The following GNGT1 variants were observed in gnomAD, a reference collection of about 807,000 sequenced individuals.
GNGT1 encodes the protein G protein subunit gamma transducin 1, also known as guanine nucleotide-binding protein G(T) subunit gamma-T1.
GNGT1 carries 4 observed loss-of-function variants against 7.4 expected under a neutral mutation model. The observed-to-expected ratio is 0.54, with a 90% CI of 0.27 to 1.24. The LOEUF (loss-of-function observed/expected upper bound fraction) is 1.24, where lower values mean the gene tolerates loss of function less well. Among genes scored for constraint, GNGT1 ranks in the 50% most tolerant of loss-of-function variants. The pLI, the probability that GNGT1 is intolerant of heterozygous loss-of-function variation, is 0.12. For missense variants in GNGT1, 95 were observed against 82.4 expected, an observed-to-expected ratio of 1.15 and a Z score of -0.59; for synonymous variants, 37 against 30.2, an observed-to-expected ratio of 1.23 and a Z score of -0.74.
rs562111883 is a variant in GNGT1 at position 93,910,755 on chromosome 7, A to G, written c.97-35A>G. The G allele has an allele frequency of 6.5e-6, 10 of 1,527,456 alleles. 1 individual carries two copies. The South Asian group carries it at 1.2e-4, about 19-fold the overall frequency. The allele number at this position is 1,527,456 out of a possible 1,614,324, so 94.6% of individuals were successfully genotyped here. A position where few individuals can be genotyped will look rare whatever the true frequency, so the allele number is the denominator to read the frequency against. On this transcript the variant is annotated intron_variant, in intron 2 of 2. Coordinates refer to ENST00000248572, the MANE Select transcript of GNGT1 (RefSeq NM_021955.5). ...TGGCATCTGGAGTATTCTGTTTTAA[A>G]CCAAATGAGTCATCCCTTTTTCCTT... is the stretch of plus-strand genomic sequence containing the variant.
At chr7:93,910,651 T>A in intron 2 of GNGT1, 139 bp from the exon 3 acceptor site, 1 of 503,380 alleles carries the variant, frequency 2.0e-6, no homozygotes, top group Non-Finnish European at 3.5e-6. Context: ...TCCTACAAAG[T>A]AAATATGCAT....
At chr7:93,908,931 T>A (rs1245002031) in intron 2 of GNGT1, among the ~76,000 whole-genome samples, 2 of 152,192 alleles carry the variant, frequency 1.3e-5, no homozygotes, top group African/African-American at 4.8e-5. Context: ...ATAGCGATAG[T>A]AATAGCATTT....
intron 2 of GNGT1, chr7:93,909,975 A>G (rs1319932192): frequency 2.6e-5 from 4 of 154,568 alleles, no homozygotes; most frequent in African/African-American, 9.6e-5. Flanking sequence ...AGTTGAAGCT[A>G]AAAGAGTTTG....
Position 93,910,958 on chromosome 7 carries a change from A to G in GNGT1, c.*40A>G. The G allele has an allele frequency of 7.1e-7, 1 of 1,409,272 alleles. No individual in the cohort carries two copies. Among genetic ancestry groups the G allele is most frequent in the Non-Finnish European group, 9.7e-7 (1 of 1,031,642 alleles). The allele number at this position is 1,409,272 out of a possible 1,614,324, so 87.3% of individuals were successfully genotyped here. ...AAAAAAATTAAACAAATTCTTGGAA[A>G]TATCTCAAATGTTAATAACAATATG... On this transcript the variant is annotated 3_prime_UTR_variant, in exon 3 of 3. Transcript: ENST00000248572.
In GNGT1 at chr7:93,906,629, A is replaced by T. The variant is rs1424710157; in HGVS notation, c.-27A>T. The T allele has an allele frequency of 4.4e-6, 3 of 689,120 alleles. No individual in the cohort carries two copies. Among genetic ancestry groups the T allele is most frequent in the Admixed American group, 2.8e-5 (1 of 35,418 alleles). 42.7% of individuals were successfully genotyped at this position (689,120 alleles called of 1,614,324 possible). ...ATCGTGGGATATTTAAAATAAAACA[A>T]AGAACAGTTTACTTTGTAAGTTAAG... On this transcript the variant is annotated 5_prime_UTR_variant, in exon 1 of 3. Coordinates refer to ENST00000248572, the MANE Select transcript of GNGT1 (RefSeq NM_021955.5).
intron 2 of GNGT1, 117 bp from the exon 3 acceptor site, chr7:93,910,673 A>T: frequency 1.5e-6 from 1 of 663,198 alleles, no homozygotes; most frequent in Non-Finnish European, 2.5e-6. Flanking sequence ...GGTGTAAAGT[A>T]GAGAGAATCA....
At position 93,910,942 on chromosome 7, in the gene GNGT1, A is replaced by G; in HGVS notation, c.*24A>G. 6.6e-7 allele frequency: 1 copy of G among 1,515,042 alleles called. No individual in the cohort carries two copies. The highest frequency in any genetic ancestry group is 2.3e-5 in the East Asian group (1 of 43,112). 93.8% of individuals were successfully genotyped at this position (1,515,042 alleles called of 1,614,324 possible). ...AATACAAACAAAAAGAAAAAAAATTAAACAAATTCTTGGAAATATCTCAAA... is the reference window on the plus strand; with the variant it reads ...AATACAAACAAAAAGAAAAAAAATTGAACAAATTCTTGGAAATATCTCAAA... On this transcript the variant is annotated 3_prime_UTR_variant, in exon 3 of 3. Transcript: ENST00000248572.
At position 93,910,925 on chromosome 7, in the gene GNGT1, C is replaced by T; in HGVS notation, c.*7C>T. 1 of 1,536,560 alleles carries T rather than the reference C, an allele frequency of 6.5e-7. No homozygotes were observed. The highest frequency in any genetic ancestry group is 8.8e-7 in the Non-Finnish European group (1 of 1,142,542). On this transcript the variant is annotated 3_prime_UTR_variant, in exon 3 of 3. Transcript: ENST00000248572. ...AGGCTGTGTGATTTCATAATACAAA[C>T]AAAAAGAAAAAAAATTAAACAAATT...
At position 93,909,506 on chromosome 7, in the gene GNGT1, C is replaced by G. The variant is rs536453950; in HGVS notation, c.97-1284C>G. On this transcript the variant is annotated intron_variant, in intron 2 of 2. Transcript: ENST00000248572. ...AGATCCCAGCCAGGCACCTTCAAAACCAATCCCTTATGGACTACTGAATTA... is the reference window on the plus strand; with the variant it reads ...AGATCCCAGCCAGGCACCTTCAAAAGCAATCCCTTATGGACTACTGAATTA... 9.4e-5 allele frequency: 66 copies of G among 702,490 alleles called. No individual in the cohort carries two copies. The East Asian group carries it at 1.7e-3, about 19-fold the overall frequency. 43.5% of individuals were successfully genotyped at this position (702,490 alleles called of 1,614,324 possible).
Position 93,909,846 on chromosome 7 carries a change from G to GA in GNGT1, c.97-931dup, listed in dbSNP as rs34908558. On this transcript the variant is annotated intron_variant, in intron 2 of 2. Transcript: ENST00000248572. ...TAAAAGCGGACTAAAGATTTCATTT[G>GA]AAAAAAAAAAAAACAGTAAATTGGT... 533 of 150,324 alleles carry GA rather than the reference G, an allele frequency of 3.5e-3. 2 individuals are homozygous for GA. The highest frequency in any genetic ancestry group is 5.5e-3 in the Admixed American group (79 of 14,294). 9.3% of individuals were successfully genotyped at this position (150,324 alleles called of 1,614,324 possible).
Position 93,910,846 on chromosome 7 carries a change from TCCA to T in GNGT1, c.155_157del (p.Pro52del). ...ACGTTGAAGAACGATCTGGCGAGGA[TCCA>T]CTGGTAAAGGGCATCCCAGAGGACA... On this transcript the variant is annotated inframe_deletion, in exon 3 of 3. Coordinates refer to ENST00000248572, the MANE Select transcript of GNGT1 (RefSeq NM_021955.5). The T allele has an allele frequency of 6.2e-7, 1 of 1,608,234 alleles. No individual in the cohort carries two copies. Among genetic ancestry groups the T allele is most frequent in the African/African-American group, 1.3e-5 (1 of 74,878 alleles).
At chr7:93,910,760 A>G (rs192446155) in intron 2 of GNGT1, 30 bp from the exon 3 acceptor site, 2 of 1,545,600 alleles carry the variant, frequency 1.3e-6, no homozygotes, top group East Asian at 4.5e-5. Context: ...TTTAAACCAA[A>G]TGAGTCATCC....
intron 2 of GNGT1, among the ~76,000 whole-genome samples, chr7:93,907,467 T>C (rs1356126462): frequency 1.3e-5 from 2 of 151,932 alleles, no homozygotes; most frequent in Non-Finnish European, 2.9e-5. Context: ...TAAAGATGAG[T>C]TCAAACATAA....
intron 2 of GNGT1, 56 bp downstream of exon 2, chr7:93,906,898 C>T: frequency 1.0e-6 from 1 of 972,644 alleles, no homozygotes; most frequent in South Asian, 1.6e-5. Context: ...TGTGGGAGTA[C>T]CAGGTTAGAA....
chr7:93,908,370 G>A (rs1360488136), intron 2 of GNGT1, among the ~76,000 whole-genome samples: 1 of 151,870 alleles, frequency 6.6e-6, no homozygotes, highest in Non-Finnish European at 1.5e-5. Flanking sequence ...CACAGCTCTG[G>A]AAGCTGGGGC....
At chr7:93,907,981 T>A (rs1211949639) in intron 2 of GNGT1, among the ~76,000 whole-genome samples, 1 of 152,180 alleles carries the variant, frequency 6.6e-6, no homozygotes, top group African/African-American at 2.4e-5. Flanking sequence ...AAGAAAAGTT[T>A]TCTCTTCTTA....
rs781165241 is a variant in GNGT1 at position 93,910,846 on chromosome 7, T to C, written c.153T>C (p.Asp51=). 4.4e-6 allele frequency: 7 copies of C among 1,608,116 alleles called. No homozygotes were observed. Among genetic ancestry groups the C allele is most frequent in the Non-Finnish European group, 6.0e-6 (7 of 1,175,762 alleles). ...RDYVEERSGE[D]PLVKGIPEDK... is the part of the protein sequence containing the mutation. The stretch of plus-strand genomic sequence containing the variant: ...ACGTTGAAGAACGATCTGGCGAGGA[T>C]CCACTGGTAAAGGGCATCCCAGAGG... Residue 51 remains aspartate, a synonymous_variant, in exon 3 of 3, where the codon GAT becomes GAC. Coordinates refer to ENST00000248572, the MANE Select transcript of GNGT1 (RefSeq NM_021955.5).
Position 93,910,801 on chromosome 7 carries a change from TTG to T in GNGT1, c.111_112del (p.Cys37Ter). On this transcript the variant is annotated frameshift_variant, in exon 3 of 3. Coordinates refer to ENST00000248572, the MANE Select transcript of GNGT1 (RefSeq NM_021955.5). LOFTEE classifies it high-confidence loss of function. ...TCCTTCCCCTTAAGGTTTCCAAATG[TTG>T]TGAAGAAGTAAGAGATTACGTTGAA... ...TLERMLVSKC[C>X]EEVRDYVEER... 1 of 1,603,312 alleles carries T rather than the reference TTG, an allele frequency of 6.2e-7. No homozygotes were observed. Among genetic ancestry groups the T allele is most frequent in the African/African-American group, 1.3e-5 (1 of 74,594 alleles).
Position 93,911,007 on chromosome 7 carries a change from C to A in GNGT1, c.*89C>A. 2 of 841,198 alleles carry A rather than the reference C, an allele frequency of 2.4e-6. No homozygotes were observed. Among genetic ancestry groups the A allele is most frequent in the East Asian group, 2.9e-5 (1 of 34,014 alleles). 52.1% of individuals were successfully genotyped at this position (841,198 alleles called of 1,614,324 possible). A position where few individuals can be genotyped will look rare whatever the true frequency, so the allele number is the denominator to read the frequency against. ...TGAATTTTTCTCATGCATACTATTA[C>A]TACTAAGCATGTACGTGAATTTTTA... is the stretch of plus-strand genomic sequence containing the variant. On this transcript the variant is annotated 3_prime_UTR_variant, in exon 3 of 3. Coordinates refer to ENST00000248572, the MANE Select transcript of GNGT1 (RefSeq NM_021955.5).
Sources: gnomAD v4.1 joint callset for allele counts (sites outside exome capture counted in the v4.1 genomes callset) on GRCh38, gnomAD v4.1.1 for gene constraint, MANE v1.5 for transcripts, NCBI Gene and HGNC (gene_info 2026-07-23, HGNC 2026-07-21) for gene names.